Variants in ANKRD13C observed in about 807,000 individuals in gnomAD.
The protein encoded by ANKRD13C is ankyrin repeat domain 13C.
In ANKRD13C, 16 loss-of-function variants were observed where a neutral mutation model predicts 65.5. The observed-to-expected ratio is 0.24, with a 90% CI of 0.17 to 0.37. ANKRD13C has a LOEUF of 0.37. Ranked by LOEUF, ANKRD13C falls within the 10% of genes least tolerant of loss-of-function variation. The pLI is 1.00. For missense variants in ANKRD13C, 503 were observed against 655.9 expected, an observed-to-expected ratio of 0.77 and a Z score of 2.55; for synonymous variants, 235 against 238.7, an observed-to-expected ratio of 0.98 and a Z score of 0.14.
intron 5 of ANKRD13C, among the ~76,000 whole-genome samples, chr1:70,311,371 A>G (rs1309658379): frequency 4.6e-5 from 7 of 152,140 alleles, no homozygotes; most frequent in African/African-American, 9.7e-5. Flanking sequence ...GCTACTCGGG[A>G]GGCTGAGGTG....
At chr1:70,314,187 C>A (rs1416831198) in intron 4 of ANKRD13C, among the ~76,000 whole-genome samples, 2 of 151,552 alleles carry the variant, frequency 1.3e-5, no homozygotes, top group Non-Finnish European at 2.9e-5. Flanking sequence ...TTTATTAAAT[C>A]TGAAACATGT....
rs1680322587 is a variant in ANKRD13C at position 70,300,887 on chromosome 1, G to A, written c.798C>T (p.Asp266=). The part of the protein sequence containing the change: ...INIRLDTTLI[D]FTDMKCQRGD... ...CTCGTTGGCACTTCATGTCAGTAAAGTCTATGAGAGTTGTGTCAAGCCTGT... is the reference window on the plus strand; with the variant it reads ...CTCGTTGGCACTTCATGTCAGTAAAATCTATGAGAGTTGTGTCAAGCCTGT... Residue 266 remains aspartate, a synonymous_variant, in exon 7 of 13, where the codon GAC becomes GAT. Transcript: ENST00000370944. The A allele has an allele frequency of 6.2e-7, 1 of 1,612,634 alleles. No homozygotes were observed. Among genetic ancestry groups the A allele is most frequent in the East Asian group, 2.2e-5 (1 of 44,830 alleles).
chr1:70,315,451 G>A, intron 4 of ANKRD13C, 30 bp downstream of exon 4: 2 of 1,555,054 alleles, frequency 1.3e-6, no homozygotes, highest in Non-Finnish European at 8.8e-7. Context: ...TACTTCCAAG[G>A]TGCAAAATTA....
rs539420209 is a variant in ANKRD13C at position 70,302,446 on chromosome 1, G to A, written c.777-1538C>T. ...TGTGTCCTAAAAGAAAATAGTATTGGCCGGGCGCGGTGGCTCACGCCTGTA... is the reference window on the plus strand; with the variant it reads ...TGTGTCCTAAAAGAAAATAGTATTGACCGGGCGCGGTGGCTCACGCCTGTA... On this transcript the variant is annotated intron_variant, in intron 6 of 12. Coordinates refer to ENST00000370944, the MANE Select transcript of ANKRD13C (RefSeq NM_030816.5). Among the ~76,000 whole-genome samples, 2 of 110,768 alleles carry A rather than the reference G, an allele frequency of 1.8e-5. 1 individual carries two copies. The highest frequency in any genetic ancestry group is 7.9e-5 in the African/African-American group (2 of 25,244). The allele number at this position is 110,768 out of a possible 152,430, so 72.7% of individuals were successfully genotyped here.
chr1:70,287,959 C>T (rs1203770301), intron 9 of ANKRD13C, among the ~76,000 whole-genome samples: 1 of 152,178 alleles, frequency 6.6e-6, no homozygotes, highest in African/African-American at 2.4e-5. Context: ...GTCAAGGCTG[C>T]AGTGAACCAA....
At chr1:70,353,817 C>G (rs1682861880) in intron 1 of ANKRD13C, 162 bp downstream of exon 1, 2 of 955,624 alleles carry the variant, frequency 2.1e-6, no homozygotes, top group Admixed American at 7.1e-5. Context: ...AACCCCTTGA[C>G]CACTGGCACG....
chr1:70,271,373 C>A (rs746895160), intron 11 of ANKRD13C, among the ~76,000 whole-genome samples: 1 of 152,292 alleles, frequency 6.6e-6, no homozygotes, highest in East Asian at 1.9e-4. Flanking sequence ...GTCTTTCCTT[C>A]TGAACTACAA....
chr1:70,271,846 G>A (rs1678895292), intron 11 of ANKRD13C, among the ~76,000 whole-genome samples: 3 of 152,094 alleles, frequency 2.0e-5, no homozygotes, highest in African/African-American at 4.8e-5. Flanking sequence ...ATACTTGGAC[G>A]CCTTTTAAGT....
intron 2 of ANKRD13C, among the ~76,000 whole-genome samples, chr1:70,328,623 T>G (rs1231456037): frequency 1.3e-5 from 2 of 152,030 alleles, no homozygotes; most frequent in Admixed American, 6.6e-5. Context: ...GACAGCGCCA[T>G]TACACTCTGG....
At position 70,296,163 on chromosome 1, in the gene ANKRD13C, G is replaced by C. The variant is rs1400244043; in HGVS notation, c.1020C>G (p.Ala340=). The change falls in exon 8 of 13, where the codon GCC becomes GCG. Residue 340 remains alanine (A), a synonymous_variant. Coordinates refer to ENST00000370944, the MANE Select transcript of ANKRD13C (RefSeq NM_030816.5). ...CTTCCCGAAAAAGCCATCCTGTCTGGGCACGCGTGAAAGAAATTGATTTTG... is the reference window on the plus strand; with the variant it reads ...CTTCCCGAAAAAGCCATCCTGTCTGCGCACGCGTGAAAGAAATTGATTTTG... The part of the protein sequence containing the change: ...LSTKSISFTR[A]QTGWLFREDK... 3.1e-6 allele frequency: 5 copies of C among 1,613,750 alleles called. No individual in the cohort carries two copies. The African/African-American group carries it at 6.7e-5, about 22-fold the overall frequency.
intron 7 of ANKRD13C, among the ~76,000 whole-genome samples, chr1:70,298,918 A>G (rs1056124601): frequency 6.6e-6 from 1 of 152,192 alleles, no homozygotes; most frequent in African/African-American, 2.4e-5. Context: ...CTTCCTTCAC[A>G]GAAAGAGTTT....
chr1:70,348,946 G>A (rs1267783692), intron 1 of ANKRD13C, among the ~76,000 whole-genome samples: 1 of 152,158 alleles, frequency 6.6e-6, no homozygotes, highest in African/African-American at 2.4e-5. Context: ...GCTGGCTTGA[G>A]CAATTCATAT....
intron 3 of ANKRD13C, among the ~76,000 whole-genome samples, chr1:70,320,259 A>G (rs955552341): frequency 3.3e-5 from 5 of 152,208 alleles, no homozygotes; most frequent in Non-Finnish European, 2.9e-5. Context: ...AGGAGGTTTT[A>G]AAGAATTTTA....
intron 3 of ANKRD13C, among the ~76,000 whole-genome samples, chr1:70,322,939 G>A (rs573130952): frequency 6.6e-6 from 1 of 152,148 alleles, no homozygotes; most frequent in East Asian, 1.9e-4. Flanking sequence ...TTGCAGGTAA[G>A]CCTAGATTGT....
At chr1:70,305,272 ACTT>A (rs1680540601) in intron 6 of ANKRD13C, among the ~76,000 whole-genome samples, 1 of 152,158 alleles carries the variant, frequency 6.6e-6, no homozygotes, top group Non-Finnish European at 1.5e-5. Flanking sequence ...ATTTTTAAAA[ACTT>A]CTGCTTTGTG....
In ANKRD13C at chr1:70,354,423, G is replaced by A. The variant is rs746919967; in HGVS notation, c.-15C>T. 2.5e-6 allele frequency: 4 copies of A among 1,605,364 alleles called. No homozygotes were observed. Among genetic ancestry groups the A allele is most frequent in the African/African-American group, 1.3e-5 (1 of 74,744 alleles). On this transcript the variant is annotated 5_prime_UTR_variant, in exon 1 of 13. Coordinates refer to ENST00000370944, the MANE Select transcript of ANKRD13C (RefSeq NM_030816.5). ...TCCCCGGTCATCGCCGCCGCCAGGG[G>A]CAAGGGGGGGAATCGGGAGGCTCAC...
At chr1:70,349,106 T>C (rs1682643153) in intron 1 of ANKRD13C, among the ~76,000 whole-genome samples, 1 of 152,206 alleles carries the variant, frequency 6.6e-6, no homozygotes. Context: ...GAAAATCTTC[T>C]ATACGTTTCA....
intron 7 of ANKRD13C, among the ~76,000 whole-genome samples, chr1:70,296,673 T>G (rs1411441691): frequency 6.6e-6 from 1 of 152,198 alleles, no homozygotes; most frequent in Non-Finnish European, 1.5e-5. Context: ...CAGATTAATC[T>G]TACTTTAGTT....
At chr1:70,278,185 C>T (rs1322257283) in intron 9 of ANKRD13C, among the ~76,000 whole-genome samples, 2 of 142,276 alleles carry the variant, frequency 1.4e-5, no homozygotes, top group East Asian at 4.3e-4. Context: ...TAAGACCCTG[C>T]CTCACAGAAA....
Sources: gnomAD v4.1 joint callset for allele counts (sites outside exome capture counted in the v4.1 genomes callset) on GRCh38, gnomAD v4.1.1 for gene constraint, MANE v1.5 for transcripts, NCBI Gene and HGNC (gene_info 2026-07-23, HGNC 2026-07-21) for gene names.